SPIDR: variants seen among roughly 807,000 people sequenced by gnomAD.
The protein encoded by SPIDR is scaffold protein involved in DNA repair.
A neutral mutation model predicts 104.6 loss-of-function variants in SPIDR; 93 were observed. The ratio of observed to expected loss-of-function variants is 0.89; its 90% confidence interval spans 0.75 to 1.06. The LOEUF is 1.06. Ranked by LOEUF, SPIDR falls within the 50% of genes least tolerant of loss-of-function variation. The pLI, the probability that SPIDR is intolerant of heterozygous loss-of-function variation, is 0.00. For missense variants in SPIDR, 1,154 were observed against 1,111.2 expected (o/e 1.04, Z -0.55); for synonymous variants, 431 against 416.9 (o/e 1.03, Z -0.41).
intron 8 of SPIDR, among the ~76,000 whole-genome samples, chr8:47,585,660 T>C (rs1034787788): frequency 3.3e-5 from 5 of 152,156 alleles, no homozygotes; most frequent in African/African-American, 9.7e-5. Context: ...CTTACACTTA[T>C]GGAGGTCGAG....
intron 5 of SPIDR, among the ~76,000 whole-genome samples, chr8:47,382,777 T>C (rs1367997202): frequency 6.6e-6 from 1 of 152,192 alleles, no homozygotes; most frequent in Non-Finnish European, 1.5e-5. Context: ...TAGAGAATTG[T>C]AGCATTTTAA....
At chr8:47,404,189 C>A (rs1177737882) in intron 6 of SPIDR, among the ~76,000 whole-genome samples, 2 of 152,158 alleles carry the variant, frequency 1.3e-5, no homozygotes, top group Non-Finnish European at 2.9e-5. Context: ...ACACCTTATA[C>A]AAAAATTAAT....
chr8:47,492,887 G>A (rs1359572876), intron 8 of SPIDR, among the ~76,000 whole-genome samples: 1 of 151,986 alleles, frequency 6.6e-6, no homozygotes, highest in East Asian at 1.9e-4. Context: ...CAATATTCCT[G>A]GTATTTCCAC....
chr8:47,320,045 A>G (rs1227221801), intron 5 of SPIDR, among the ~76,000 whole-genome samples: 2 of 152,164 alleles, frequency 1.3e-5, no homozygotes, highest in African/African-American at 4.8e-5. Context: ...GAACTAGAGA[A>G]GCAAGAGCAA....
At chr8:47,323,830 A>G (rs2047206635) in intron 5 of SPIDR, among the ~76,000 whole-genome samples, 1 of 152,212 alleles carries the variant, frequency 6.6e-6, no homozygotes, top group Admixed American at 6.5e-5. Flanking sequence ...GAGTGACTAC[A>G]GAACCCATGG....
At chr8:47,554,069 A>G (rs1382648079) in intron 8 of SPIDR, among the ~76,000 whole-genome samples, 5 of 152,102 alleles carry the variant, frequency 3.3e-5, no homozygotes, top group African/African-American at 1.2e-4. Context: ...AACAGCAAAT[A>G]CTGCAGAACG....
At chr8:47,580,054 G>A (rs2059554629) in intron 8 of SPIDR, among the ~76,000 whole-genome samples, 1 of 152,140 alleles carries the variant, frequency 6.6e-6, no homozygotes, top group Non-Finnish European at 1.5e-5. Flanking sequence ...TTACCCTGTG[G>A]GGTTGTTGTG....
intron 8 of SPIDR, among the ~76,000 whole-genome samples, chr8:47,460,826 T>C (rs1383928651): frequency 1.3e-5 from 2 of 152,234 alleles, no homozygotes; most frequent in Non-Finnish European, 2.9e-5. Context: ...TAGACCTCCA[T>C]TTAGCAGTTC....
intron 5 of SPIDR, among the ~76,000 whole-genome samples, chr8:47,383,396 T>A (rs977463034): frequency 1.3e-5 from 2 of 152,236 alleles, no homozygotes; most frequent in Non-Finnish European, 2.9e-5. Flanking sequence ...GTTACTGAAC[T>A]GTTTTAGAAT....
intron 10 of SPIDR, among the ~76,000 whole-genome samples, chr8:47,632,232 A>G (rs1242868047): frequency 6.6e-6 from 1 of 152,184 alleles, no homozygotes; most frequent in Non-Finnish European, 1.5e-5. Flanking sequence ...TACCGAGTTG[A>G]ACTACCATTT....
intron 5 of SPIDR, among the ~76,000 whole-genome samples, chr8:47,337,694 T>G: frequency 6.6e-6 from 1 of 152,060 alleles, no homozygotes. Flanking sequence ...TGTTTTCTTC[T>G]AAGATCTTTA....
chr8:47,399,898 A>G (rs1447979672), intron 6 of SPIDR, among the ~76,000 whole-genome samples: 2 of 152,212 alleles, frequency 1.3e-5, no homozygotes, highest in Admixed American at 1.3e-4. Context: ...GAGCTGGGGC[A>G]GTAACGATGA....
chr8:47,266,330 C>T (rs1199444605), intron 1 of SPIDR, among the ~76,000 whole-genome samples: 3 of 151,914 alleles, frequency 2.0e-5, no homozygotes, highest in African/African-American at 7.3e-5. Flanking sequence ...AGGGTTTCAC[C>T]GTGTTGCCCA....
intron 8 of SPIDR, among the ~76,000 whole-genome samples, chr8:47,588,042 T>TGC (rs2060483763): frequency 1.3e-4 from 5 of 39,912 alleles, no homozygotes; most frequent in Non-Finnish European, 1.8e-4. Context: ...TATATATATA[T>TGC]ATATATATAT....
At chr8:47,718,072 C>G (rs2082821909) in intron 16 of SPIDR, among the ~76,000 whole-genome samples, 1 of 152,224 alleles carries the variant, frequency 6.6e-6, no homozygotes, top group Non-Finnish European at 1.5e-5. Context: ...ACTCTAGAGG[C>G]TGGGGTTCCC....
intron 8 of SPIDR, among the ~76,000 whole-genome samples, chr8:47,505,933 A>G (rs565091090): frequency 6.6e-6 from 1 of 152,302 alleles, no homozygotes; most frequent in African/African-American, 2.4e-5. Context: ...AGTGTATGTA[A>G]TTCCATTATT....
chr8:47,489,515 A>G (rs1029975268), intron 8 of SPIDR, among the ~76,000 whole-genome samples: 5 of 152,246 alleles, frequency 3.3e-5, no homozygotes, highest in East Asian at 1.9e-4. Flanking sequence ...TAAAGTTCCT[A>G]TGGAACCAAA....
intron 8 of SPIDR, among the ~76,000 whole-genome samples, chr8:47,450,560 G>A (rs2071521773): frequency 6.6e-6 from 1 of 152,220 alleles, no homozygotes; most frequent in Admixed American, 6.5e-5. Context: ...CCTCAAATGT[G>A]TACCAGTTGT....
intron 10 of SPIDR, among the ~76,000 whole-genome samples, chr8:47,652,408 T>C (rs899967324): frequency 6.6e-6 from 1 of 152,130 alleles, no homozygotes; most frequent in African/African-American, 2.4e-5. Flanking sequence ...AAGGGCAGGC[T>C]GGGCAGGCAG....
Sources: allele counts gnomAD v4.1 joint callset (sites outside exome capture counted in the v4.1 genomes callset), GRCh38; gene constraint gnomAD v4.1.1; transcripts MANE v1.5; gene names NCBI Gene and HGNC (gene_info 2026-07-23, HGNC 2026-07-21).